CHD5: variants seen among roughly 807,000 people sequenced by gnomAD.
CHD5 encodes the protein chromodomain helicase DNA binding protein 5.
In CHD5, 69 loss-of-function variants were observed where a neutral mutation model predicts 230.3. The observed-to-expected ratio is 0.30, with a 90% CI of 0.25 to 0.37. CHD5 has a LOEUF of 0.37. Among genes scored for constraint, CHD5 ranks in the 10% least tolerant of loss-of-function variants. The pLI is 1.00. For synonymous variants in CHD5, 1,064 were observed against 1,065.9 expected, an observed-to-expected ratio of 1.00 and a Z score of 0.03; for missense variants, 1,827 against 2,622.8, an observed-to-expected ratio of 0.70 and a Z score of 6.63.
chr1:6,131,176 C>T lies in CHD5; in HGVS notation c.3262+455G>A, dbSNP rs1194785090. On this transcript the variant is annotated intron_variant, in intron 21 of 41. Coordinates refer to ENST00000262450, the MANE Select transcript of CHD5 (RefSeq NM_015557.3). This position sits in a 1 kb window ranked among gnomAD's most constrained non-coding sequence, Gnocchi z 5.0. ...GCAAGACCCTCCTGACCTCCACCCT[C>T]GCCTCTCCTTCCCAGGCAGGGAAGA... is the stretch of plus-strand genomic sequence containing the variant. Among the ~76,000 whole-genome samples the T allele has an allele frequency of 5.3e-5, 8 of 152,234 alleles. No homozygotes were observed. Among genetic ancestry groups the T allele is most frequent in the Non-Finnish European group, 8.8e-5 (6 of 68,044 alleles).
Position 6,148,865 on chromosome 1 carries a change from G to A in CHD5, c.1372C>T (p.Pro458Ser). The A allele has an allele frequency of 6.4e-7, 1 of 1,567,192 alleles. No homozygotes were observed. Among genetic ancestry groups the A allele is most frequent in the Non-Finnish European group, 8.7e-7 (1 of 1,155,604 alleles). The change falls in exon 9 of 42, where the codon CCG (proline) becomes TCG (serine). Residue 458 changes from proline to serine, a missense_variant. Pro to Ser is a moderately conservative substitution (Grantham distance 74, BLOSUM62 -1). This residue lies in a region of CHD5 where 657 missense variants were observed against 816.4 expected (regional missense o/e 0.80). Coordinates refer to ENST00000262450, the MANE Select transcript of CHD5 (RefSeq NM_015557.3). ...PEIPNGEWLC[P>S]RCTCPPLKGK... ...GGCGGAACACTCACAGTACAGCGCGGGCAGAGCCATTCACCGTTTGGGATC... is the reference window on the plus strand; with the variant it reads ...GGCGGAACACTCACAGTACAGCGCGAGCAGAGCCATTCACCGTTTGGGATC...
At chr1:6,124,403 G>A in intron 30 of CHD5, 114 bp downstream of exon 30, 1 of 1,242,780 alleles carries the variant, frequency 8.0e-7, no homozygotes. Flanking sequence ...TCGGACCCTG[G>A]GCAGCTGTGT....
chr1:6,175,715 C>T (rs868661719), intron 1 of CHD5, among the ~76,000 whole-genome samples: 6 of 137,140 alleles, frequency 4.4e-5, no homozygotes, highest in East Asian at 2.4e-4. Context: ...GATGGACGGA[C>T]GGACGGATGG....
chr1:6,125,481 G>A lies in CHD5; in HGVS notation c.4260+43C>T, dbSNP rs748376880. The A allele has an allele frequency of 2.1e-5, 33 of 1,539,816 alleles. No homozygotes were observed. The South Asian group carries it at 2.7e-4, about 13-fold the overall frequency. On this transcript the variant is annotated intron_variant, in intron 28 of 41. Coordinates refer to ENST00000262450, the MANE Select transcript of CHD5 (RefSeq NM_015557.3). The surrounding 1 kb of genome is among the most constrained non-coding windows in gnomAD (Gnocchi z 6.7). ...CCTCCTCCATACCCCAGGGGCAGCA[G>A]GAAGCAGGGGCAGAAAGAGATGCGG...
At chr1:6,120,763 T>A (rs922450758) in intron 33 of CHD5, among the ~76,000 whole-genome samples, 3 of 151,978 alleles carry the variant, frequency 2.0e-5, no homozygotes, top group African/African-American at 7.2e-5. Flanking sequence ...ATTAGCTGGG[T>A]GTGGTGGTAC....
At chr1:6,174,961 A>T (rs1395204846) in intron 1 of CHD5, among the ~76,000 whole-genome samples, 1 of 136,534 alleles carries the variant, frequency 7.3e-6, no homozygotes, top group African/African-American at 2.9e-5. Context: ...GGATGGATGG[A>T]TGGTGGATGA....
In CHD5 at chr1:6,121,268, G is replaced by T; in HGVS notation, c.4780-31C>A. 3 of 1,594,200 alleles carry T rather than the reference G, an allele frequency of 1.9e-6. No individual in the cohort carries two copies. The highest frequency in any genetic ancestry group is 2.6e-6 in the Non-Finnish European group (3 of 1,172,446). On this transcript the variant is annotated intron_variant, in intron 32 of 41. Coordinates refer to ENST00000262450, the MANE Select transcript of CHD5 (RefSeq NM_015557.3). The surrounding 1 kb of genome is among the most constrained non-coding windows in gnomAD (Gnocchi z 4.5). Reference sequence around the variant, plus strand: ...GAGGAAAAGCCAGGAGAACTACAAGGCCTGGGGCCTCACCAGGAACGGAGG... The same window carrying T: ...GAGGAAAAGCCAGGAGAACTACAAGTCCTGGGGCCTCACCAGGAACGGAGG...
intron 30 of CHD5, 78 bp from the exon 31 acceptor site, chr1:6,124,185 G>GCCAGGGGGGCTGA: frequency 7.4e-7 from 1 of 1,343,316 alleles, no homozygotes; most frequent in Non-Finnish European, 1.0e-6. Flanking sequence ...CCTCAGGGCA[G>GCCAGGGGGGCTGA]CCAGGGGGGC....
rs1258794223 is a variant in CHD5 at position 6,148,704 on chromosome 1, CGCGGGCG to C, written c.1383+143_1383+149del. On this transcript the variant is annotated intron_variant, in intron 9 of 41. Coordinates refer to ENST00000262450, the MANE Select transcript of CHD5 (RefSeq NM_015557.3). ...CTATTGTGGACGGGGTCTCGAGCAG[CGCGGGCG>C]AAGCTTTGCGGGATCGGCTACCGAG... 11 of 563,474 alleles carry C rather than the reference CGCGGGCG, an allele frequency of 2.0e-5. No individual in the cohort carries two copies. In the East Asian group the frequency reaches 3.4e-4, roughly 17 times the overall value. The allele number at this position is 563,474 out of a possible 1,614,324, so 34.9% of individuals were successfully genotyped here. A position where few individuals can be genotyped will look rare whatever the true frequency, so the allele number is the denominator to read the frequency against.
rs375092154 is a variant in CHD5 at position 6,127,313 on chromosome 1, C to A, written c.3904-567G>T. The A allele has an allele frequency of 1.0e-3, 161 of 156,886 alleles. 1 individual carries two copies. In the South Asian group the frequency reaches 0.017, roughly 16 times the overall value. 9.7% of individuals were successfully genotyped at this position (156,886 alleles called of 1,614,324 possible). A position where few individuals can be genotyped will look rare whatever the true frequency, so the allele number is the denominator to read the frequency against. On this transcript the variant is annotated intron_variant, in intron 25 of 41. Coordinates refer to ENST00000262450, the MANE Select transcript of CHD5 (RefSeq NM_015557.3). ...ACCAGCCTGGCCAACATGGCAAAGT[C>A]CCATCTCTACTAAAAATACAAAGAT...
rs1488885003 is a variant in CHD5, at chr1:6,129,324, G to A, written c.3388-255C>T. On this transcript the variant is annotated intron_variant, in intron 22 of 41. Transcript: ENST00000262450. This position sits in a 1 kb window ranked among gnomAD's most constrained non-coding sequence, Gnocchi z 6.8. ...GCCATTGGAAGCAGGCAGGACTGCA[G>A]GTGTGCAAGAGTGTGTGAGGGATGA... 6.6e-6 allele frequency among the ~76,000 whole-genome samples: 1 copy of A among 152,128 alleles called. No homozygotes were observed.
In CHD5 at chr1:6,125,239, C is replaced by T. The variant is rs377024238; in HGVS notation, c.4261-6G>A. 7.6e-5 allele frequency: 119 copies of T among 1,567,054 alleles called. No homozygotes were observed. The African/African-American group carries it at 1.3e-3, about 17-fold the overall frequency. ...CGGGCATTGAAGCCCAGCACCTGGG[C>T]GAGTGGAGCGTGGGAGTATGAGCCC... is the stretch of plus-strand genomic sequence containing the variant. On this transcript the variant is annotated splice_polypyrimidine_tract_variant and splice_region_variant and intron_variant, in intron 28 of 41. Transcript: ENST00000262450. This position sits in a 1 kb window ranked among gnomAD's most constrained non-coding sequence, Gnocchi z 6.7.
intron 31 of CHD5, among the ~76,000 whole-genome samples, chr1:6,122,314 G>C (rs1398974833): frequency 6.6e-6 from 1 of 152,198 alleles, no homozygotes. Flanking sequence ...GGGCACAAAT[G>C]ACCCAATTAA....
At chr1:6,173,543 G>A (rs1667372251) in intron 1 of CHD5, among the ~76,000 whole-genome samples, 1 of 152,160 alleles carries the variant, frequency 6.6e-6, no homozygotes, top group African/African-American at 2.4e-5. Flanking sequence ...ATACCAGCAA[G>A]TCCCCTCCCC....
At position 6,152,469 on chromosome 1, in the gene CHD5, C is replaced by A; in HGVS notation, c.813G>T (p.Thr271=). Residue 271 remains threonine, a synonymous_variant, in exon 6 of 42, where the codon ACG becomes ACT. Transcript: ENST00000262450. ...DGKKKGKGKK[T]AGLKFRFGGI... ...CCCCGAAGCGGAACTTGAGCCCGGCCGTCTTTTTCCCTTTGCCCTTTTTCT... is the reference window on the plus strand; with the variant it reads ...CCCCGAAGCGGAACTTGAGCCCGGCAGTCTTTTTCCCTTTGCCCTTTTTCT... The A allele has an allele frequency of 6.2e-7, 1 of 1,614,222 alleles. No individual in the cohort carries two copies. The highest frequency in any genetic ancestry group is 8.5e-7 in the Non-Finnish European group (1 of 1,180,044).
In CHD5 at chr1:6,158,868, G is replaced by A. The variant is rs533295220; in HGVS notation, c.387+468C>T. On this transcript the variant is annotated intron_variant, in intron 3 of 41. Coordinates refer to ENST00000262450, the MANE Select transcript of CHD5 (RefSeq NM_015557.3). ...TAAAAATACAAAAAATTAGCCGGGCGTAGTGGCGGGCGCCTGTAGTCCCAG... is the reference window on the plus strand; with the variant it reads ...TAAAAATACAAAAAATTAGCCGGGCATAGTGGCGGGCGCCTGTAGTCCCAG... 1.1e-3 allele frequency among the ~76,000 whole-genome samples: 166 copies of A among 149,644 alleles called. 1 individual carries two copies. The highest frequency in any genetic ancestry group is 1.9e-3 in the South Asian group (9 of 4,676).
chr1:6,107,377 G>A (rs1274541576), intron 38 of CHD5, among the ~76,000 whole-genome samples: 2 of 92,938 alleles, frequency 2.2e-5, no homozygotes, highest in East Asian at 6.4e-4. Context: ...TGGAGAGATG[G>A]AGGGATGATG....
At chr1:6,158,832 C>T (rs112042310) in intron 3 of CHD5, among the ~76,000 whole-genome samples, 14,452 of 150,112 alleles carry the variant, frequency 0.096, 947 homozygotes, top group East Asian at 0.26. Context: ...ACGGTGAAAC[C>T]CCATCTCTAC....
chr1:6,119,698 C>CAT (rs976979921), intron 33 of CHD5, among the ~76,000 whole-genome samples: 19 of 150,300 alleles, frequency 1.3e-4, no homozygotes, highest in East Asian at 1.2e-3. Flanking sequence ...ACCTAATGCG[C>CAT]ATATATATAT....
Sources: allele counts gnomAD v4.1 joint callset (sites outside exome capture counted in the v4.1 genomes callset), GRCh38; gene constraint gnomAD v4.1.1; regional missense constraint gnomAD v4.1.1; non-coding constraint Gnocchi (gnomAD v3.1); transcripts MANE v1.5; gene names NCBI Gene and HGNC (gene_info 2026-07-23, HGNC 2026-07-21).